The following FREM2 variants were observed in gnomAD, a reference collection of about 807,000 sequenced individuals.
The protein encoded by FREM2 is FRAS1 related extracellular matrix 2.
A neutral mutation model predicts 219.9 loss-of-function variants in FREM2; 119 were observed. The observed-to-expected ratio is 0.54, with a 90% CI of 0.47 to 0.63. The LOEUF (loss-of-function observed/expected upper bound fraction) is 0.63. FREM2 is among the 30% of genes least tolerant of loss of function. FREM2 has a pLI of 0.00. For missense variants in FREM2, 4,030 were observed against 3,993.6 expected, an observed-to-expected ratio of 1.01 and a Z score of -0.25; for synonymous variants, 1,562 against 1,522.8, an observed-to-expected ratio of 1.03 and a Z score of -0.60.
chr13:38,778,797 A>G (rs913249599), intron 4 of FREM2, among the ~76,000 whole-genome samples: 27 of 152,176 alleles, frequency 1.8e-4, no homozygotes, highest in African/African-American at 6.5e-4. Flanking sequence ...ACTTAAAAAA[A>G]AAGTTAACAA....
At chr13:38,746,112 T>C (rs1333837509) in intron 2 of FREM2, among the ~76,000 whole-genome samples, 2 of 152,226 alleles carry the variant, frequency 1.3e-5, no homozygotes, top group African/African-American at 2.4e-5. Context: ...GGAACTCTTA[T>C]AGTTGTATTC....
chr13:38,762,353 C>T (rs1014382826), intron 2 of FREM2, among the ~76,000 whole-genome samples: 2 of 152,122 alleles, frequency 1.3e-5, no homozygotes, highest in Non-Finnish European at 1.5e-5. Context: ...AGACATTGGG[C>T]ATAGTAAGTT....
At chr13:38,826,429 C>T (rs983026641) in intron 6 of FREM2, among the ~76,000 whole-genome samples, 30 of 152,162 alleles carry the variant, frequency 2.0e-4, no homozygotes, top group African/African-American at 6.0e-4. Flanking sequence ...AATGCAATAG[C>T]GTTGACTGCT....
chr13:38,703,729 T>G (rs949566833), intron 2 of FREM2, among the ~76,000 whole-genome samples: 1 of 152,206 alleles, frequency 6.6e-6, no homozygotes, highest in Non-Finnish European at 1.5e-5. Context: ...TTAGATTCAT[T>G]CCAAAATTAT....
intron 2 of FREM2, among the ~76,000 whole-genome samples, chr13:38,752,362 G>A (rs1872807206): frequency 6.6e-6 from 1 of 152,064 alleles, no homozygotes; most frequent in African/African-American, 2.4e-5. Flanking sequence ...TTTTGCCGCT[G>A]AAAACAAATA....
Position 38,691,743 on chromosome 13 carries a change from G to A in FREM2, c.4399G>A (p.Gly1467Ser). Reference sequence around the variant, plus strand: ...TACCATCACCAGGGCTCCCATGCGAGGTCACCTGGAATGCACGGATCAGCC... The same window carrying A: ...TACCATCACCAGGGCTCCCATGCGAAGTCACCTGGAATGCACGGATCAGCC... ...VFTITRAPMR[G>S]HLECTDQPGV... Residue 1467 changes from glycine to serine, a missense_variant, in exon 1 of 24, where the codon GGT becomes AGT. By Grantham distance (56) the Gly-to-Ser change is moderately conservative (BLOSUM62 0). Coordinates refer to ENST00000280481, the MANE Select transcript of FREM2 (RefSeq NM_207361.6). The A allele has an allele frequency of 6.2e-7, 1 of 1,613,778 alleles. No individual in the cohort carries two copies. Among genetic ancestry groups the A allele is most frequent in the Non-Finnish European group, 8.5e-7 (1 of 1,179,726 alleles).
At chr13:38,848,346 T>C in intron 7 of FREM2, 115 bp from the exon 8 acceptor site, 1 of 793,302 alleles carries the variant, frequency 1.3e-6, no homozygotes. Flanking sequence ...TGTAGAGTTA[T>C]GCTGGTCTCT....
Position 38,804,624 on chromosome 13 carries a change from A to G in FREM2, c.6019+19816A>G, listed in dbSNP as rs143551405. Among the ~76,000 whole-genome samples the G allele has an allele frequency of 3.8e-3, 577 of 152,302 alleles. 6 individuals are homozygous for G. The highest frequency in any genetic ancestry group is 0.013 in the African/African-American group (550 of 41,550). ...TTAGTAAGAATTTGAAACAGTAAAA[A>G]GACTAAGAGAGCAGAGTGTGATTAA... On this transcript the variant is annotated intron_variant, in intron 6 of 23. Coordinates refer to ENST00000280481, the MANE Select transcript of FREM2 (RefSeq NM_207361.6).
chr13:38,830,154 A>G (rs1210999461), intron 6 of FREM2, among the ~76,000 whole-genome samples: 2 of 152,182 alleles, frequency 1.3e-5, no homozygotes, highest in Non-Finnish European at 2.9e-5. Context: ...GAAATATATC[A>G]TACAAGAGTA....
intron 2 of FREM2, among the ~76,000 whole-genome samples, chr13:38,716,926 A>G (rs1262901310): frequency 3.9e-5 from 6 of 152,182 alleles, no homozygotes; most frequent in Non-Finnish European, 8.8e-5. Flanking sequence ...TTTTTTCCCA[A>G]TGCTGTGCAT....
chr13:38,765,835 A>G (rs368762447), intron 3 of FREM2, among the ~76,000 whole-genome samples: 6 of 152,004 alleles, frequency 3.9e-5, no homozygotes, highest in East Asian at 1.9e-4. Flanking sequence ...CTCTGCTTCC[A>G]TCTTCATTTT....
chr13:38,778,589 A>C (rs998289256), intron 4 of FREM2, among the ~76,000 whole-genome samples: 7 of 152,086 alleles, frequency 4.6e-5, no homozygotes, highest in African/African-American at 1.7e-4. Flanking sequence ...ACAAACCCTA[A>C]AGGATGAGAA....
chr13:38,746,129 G>A (rs1364244178), intron 2 of FREM2, among the ~76,000 whole-genome samples: 1 of 152,130 alleles, frequency 6.6e-6, no homozygotes, highest in East Asian at 1.9e-4. Context: ...ATTCATCTCT[G>A]TTCATCTGTC....
At chr13:38,701,687 G>T (rs1209919277) in intron 2 of FREM2, among the ~76,000 whole-genome samples, 1 of 151,874 alleles carries the variant, frequency 6.6e-6, no homozygotes, top group Non-Finnish European at 1.5e-5. Context: ...ACTATTCCAG[G>T]CATGCCCCAC....
chr13:38,801,849 G>T (rs1875022726), intron 6 of FREM2, among the ~76,000 whole-genome samples: 1 of 152,260 alleles, frequency 6.6e-6, no homozygotes, highest in African/African-American at 2.4e-5. Flanking sequence ...CAGTGGCAGT[G>T]GTAGGCCAGG....
intron 2 of FREM2, among the ~76,000 whole-genome samples, chr13:38,748,993 A>G (rs1227803781): frequency 6.6e-6 from 1 of 152,168 alleles, no homozygotes; most frequent in Non-Finnish European, 1.5e-5. Flanking sequence ...GGGCTACAAT[A>G]AAGACATGGG....
intron 3 of FREM2, among the ~76,000 whole-genome samples, chr13:38,766,222 G>A (rs552176813): frequency 9.9e-5 from 15 of 151,598 alleles, no homozygotes; most frequent in Non-Finnish European, 1.9e-4. Context: ...TTTCTCCACT[G>A]CCTCTTTTTT....
In FREM2 at chr13:38,872,911, GC is replaced by G. The variant is rs967339760; in HGVS notation, c.8159del (p.Pro2720GlnfsTer48). The G allele has an allele frequency of 6.2e-7, 1 of 1,613,816 alleles. No homozygotes were observed. The highest frequency in any genetic ancestry group is 8.5e-7 in the Non-Finnish European group (1 of 1,179,870). On this transcript the variant is annotated frameshift_variant, in exon 17 of 24. Transcript: ENST00000280481. LOFTEE classifies it high-confidence loss of function. ...TAILWNDGIG[S>X]PPEAELQGSL... ...ATCTTGTGGAATGATGGAATTGGCA[GC>G]CCCCCAGAGGCTGAACTTCAAGGTG...
At chr13:38,776,989 A>G (rs4528448) in intron 4 of FREM2, among the ~76,000 whole-genome samples, 138,603 of 151,874 alleles carry the variant, frequency 0.91, 63,273 homozygotes, top group Middle Eastern at 0.96. Context: ...TTCCAATCCA[A>G]TGTGTTAATG....
Sources: gnomAD v4.1 joint callset for allele counts (sites outside exome capture counted in the v4.1 genomes callset) on GRCh38, gnomAD v4.1.1 for gene constraint, MANE v1.5 for transcripts, NCBI Gene and HGNC (gene_info 2026-07-23, HGNC 2026-07-21) for gene names.